Variants in CAMTA1 observed in about 807,000 individuals in gnomAD.
CAMTA1 encodes calmodulin-binding transcription activator 1.
In CAMTA1, 27 loss-of-function variants were observed where a neutral mutation model predicts 170.9. The observed-to-expected ratio is 0.16, with a 90% confidence interval of 0.12 to 0.22. CAMTA1 has a LOEUF of 0.22. CAMTA1 is among the 10% of genes least tolerant of loss of function. The pLI, the probability that CAMTA1 is intolerant of heterozygous loss-of-function variation, is 1.00. For synonymous variants in CAMTA1, 833 were observed against 891.5 expected (o/e 0.93, Z 1.17); for missense variants, 1,619 against 2,217.2 (o/e 0.73, Z 5.42).
chr1:7,470,280 G>A lies in CAMTA1; in HGVS notation c.510+2379G>A, dbSNP rs188045265. Among the ~76,000 whole-genome samples, 116 of 152,352 alleles carry A rather than the reference G, an allele frequency of 7.6e-4. 1 individual carries two copies. The highest frequency in any genetic ancestry group is 1.2e-4 in the African/African-American group (5 of 41,592). ...GGCCAAAGCAATTAGCACAATGCAC[G>A]CCCTGCTCGGAGCCCAGAGCCTATG... On this transcript the variant is annotated intron_variant, in intron 6 of 22. Coordinates refer to ENST00000303635, the MANE Select transcript of CAMTA1 (RefSeq NM_015215.4).
chr1:7,639,557 G>C (rs781716454), intron 6 of CAMTA1, among the ~76,000 whole-genome samples: 2 of 152,152 alleles, frequency 1.3e-5, no homozygotes, highest in Non-Finnish European at 2.9e-5. Context: ...CGGATTGCTT[G>C]AACCCAGGAG....
chr1:7,513,198 A>T (rs1413571315), intron 6 of CAMTA1, among the ~76,000 whole-genome samples: 2 of 152,132 alleles, frequency 1.3e-5, no homozygotes, highest in African/African-American at 4.8e-5. Flanking sequence ...GAAGCGGCCG[A>T]TTCTGGGCAG....
chr1:7,309,276 G>A lies in CAMTA1; in HGVS notation c.438+59650G>A, dbSNP rs147919389. 1.1e-3 allele frequency among the ~76,000 whole-genome samples: 151 copies of A among 137,268 alleles called. No individual in the cohort carries two copies. The East Asian group carries it at 0.03, about 27-fold the overall frequency. 90.1% of individuals were successfully genotyped at this position (137,268 alleles called of 152,430 possible). ...TGACAATCTCTGTCTTTTCATTATT[G>A]CAGTTAGAAAATTTTTTTTTTTTTT... On this transcript the variant is annotated intron_variant, in intron 5 of 22. Transcript: ENST00000303635.
chr1:7,017,072 A>G (rs928275640), intron 3 of CAMTA1, among the ~76,000 whole-genome samples: 2 of 152,126 alleles, frequency 1.3e-5, no homozygotes, highest in Non-Finnish European at 2.9e-5. Context: ...GGAGTCTTCG[A>G]CAGCTCTCAC....
At chr1:7,369,604 A>G (rs1010717092) in intron 5 of CAMTA1, among the ~76,000 whole-genome samples, 9 of 151,596 alleles carry the variant, frequency 5.9e-5, no homozygotes, top group African/African-American at 1.5e-4. Context: ...AAGTTGTGGG[A>G]CCACTAGCGT....
chr1:6,837,504 G>A (rs1477933275), intron 3 of CAMTA1, among the ~76,000 whole-genome samples: 2 of 152,114 alleles, frequency 1.3e-5, no homozygotes, highest in African/African-American at 2.4e-5. Context: ...TTAAAAGAAT[G>A]GGAAGATGCC....
intron 4 of CAMTA1, among the ~76,000 whole-genome samples, chr1:7,091,579 T>A (rs570175463): frequency 6.6e-6 from 1 of 152,210 alleles, no homozygotes; most frequent in South Asian, 2.1e-4. Flanking sequence ...GCAAGTGCCA[T>A]CCGCCAGTTG....
intron 4 of CAMTA1, among the ~76,000 whole-genome samples, chr1:7,244,809 G>T (rs571467048): frequency 4.6e-5 from 7 of 152,028 alleles, no homozygotes; most frequent in South Asian, 2.1e-4. Flanking sequence ...GAGTTAATGG[G>T]TGCAGCACAC....
In CAMTA1 at chr1:7,570,272, G is replaced by T. The variant is rs1485643880; in HGVS notation, c.511-70128G>T. On this transcript the variant is annotated intron_variant, in intron 6 of 22. Transcript: ENST00000303635. The surrounding 1 kb of genome is among the most constrained non-coding windows in gnomAD (Gnocchi z 4.3). ...TCCCTGGCTTCTGCTTTTGATCCCT[G>T]AGGAGATGCAACCCTTCCTTTAAAA... 2.0e-5 allele frequency among the ~76,000 whole-genome samples: 3 copies of T among 152,228 alleles called. No individual in the cohort carries two copies. Among genetic ancestry groups the T allele is most frequent in the African/African-American group, 7.2e-5 (3 of 41,470 alleles).
chr1:7,604,656 G>A lies in CAMTA1; in HGVS notation c.511-35744G>A, dbSNP rs149255432. Among the ~76,000 whole-genome samples, 24 of 152,032 alleles carry A rather than the reference G, an allele frequency of 1.6e-4. 1 individual carries two copies. The highest frequency in any genetic ancestry group is 4.3e-4 in the African/African-American group (18 of 41,468). The stretch of plus-strand genomic sequence containing the variant: ...TCCTTTAGCTCAGAGTAGTTTGATC[G>A]TCTGAAGACTTCTTCTCTCAACTCG... On this transcript the variant is annotated intron_variant, in intron 6 of 22. Coordinates refer to ENST00000303635, the MANE Select transcript of CAMTA1 (RefSeq NM_015215.4).
rs1231590647 is a variant in CAMTA1 at position 7,270,285 on chromosome 1, A to ATT, written c.438+20660_438+20661insTT. Among the ~76,000 whole-genome samples, 134 of 115,048 alleles carry ATT rather than the reference A, an allele frequency of 1.2e-3. 1 individual carries two copies. The highest frequency in any genetic ancestry group is 5.0e-3 in the African/African-American group (121 of 24,240). The allele number at this position is 115,048 out of a possible 152,430, so 75.5% of individuals were successfully genotyped here. On this transcript the variant is annotated intron_variant, in intron 5 of 22. Coordinates refer to ENST00000303635, the MANE Select transcript of CAMTA1 (RefSeq NM_015215.4). ...CACACACACACACACATATATATAT[A>ATT]TATATATTTTTTTTTTTTTTTCTTG...
intron 3 of CAMTA1, among the ~76,000 whole-genome samples, chr1:7,061,784 A>G (rs1708252873): frequency 6.6e-6 from 1 of 151,894 alleles, no homozygotes; most frequent in South Asian, 2.1e-4. Context: ...CAGTGGCAGC[A>G]GAGCAGGGGG....
intron 4 of CAMTA1, among the ~76,000 whole-genome samples, chr1:7,118,290 C>CTT (rs58318758): frequency 0.017 from 1,952 of 112,480 alleles, 61 homozygotes; most frequent in Non-Finnish European, 0.024. Flanking sequence ...TCTTGGCATC[C>CTT]TTTTTTTTTT....
intron 3 of CAMTA1, among the ~76,000 whole-genome samples, chr1:7,039,498 A>C (rs1704110052): frequency 8.4e-6 from 1 of 119,008 alleles, no homozygotes; most frequent in Non-Finnish European, 1.7e-5. Flanking sequence ...TTCACATCTG[A>C]ACCATTGTCC....
intron 6 of CAMTA1, among the ~76,000 whole-genome samples, chr1:7,542,838 AGT>A (rs373719721): frequency 0.04 from 2,256 of 55,856 alleles, 28 homozygotes; most frequent in Admixed American, 0.067. Context: ...CCTAAAACAC[AGT>A]GTGTGTGTGT....
intron 18 of CAMTA1, 120 bp downstream of exon 18, chr1:7,746,211 T>C (rs2096856064): frequency 9.0e-6 from 11 of 1,219,760 alleles, no homozygotes; most frequent in Non-Finnish European, 1.2e-5. Flanking sequence ...ATTTGTAGAA[T>C]TTTTTTGGAA....
rs146838626 is a variant in CAMTA1, at chr1:7,215,480, G to A, written c.303-34011G>A. Among the ~76,000 whole-genome samples, 287 of 152,308 alleles carry A rather than the reference G, an allele frequency of 1.9e-3. 1 individual carries two copies. Among genetic ancestry groups the A allele is most frequent in the African/African-American group, 6.5e-3 (270 of 41,564 alleles). On this transcript the variant is annotated intron_variant, in intron 4 of 22. Transcript: ENST00000303635. Reference sequence around the variant, plus strand: ...GCGATCTCAGCCCACTGCAACCTCCGCCTTCCAGGTTCAAGCGATTTTCCC... The same window carrying A: ...GCGATCTCAGCCCACTGCAACCTCCACCTTCCAGGTTCAAGCGATTTTCCC...
At chr1:6,944,028 TC>T (rs1571926698) in intron 3 of CAMTA1, among the ~76,000 whole-genome samples, 1 of 151,986 alleles carries the variant, frequency 6.6e-6, no homozygotes, top group Non-Finnish European at 1.5e-5. Flanking sequence ...ACTCTCCATC[TC>T]CCTATCCCCC....
At chr1:7,654,165 G>A (rs186987045) in intron 7 of CAMTA1, among the ~76,000 whole-genome samples, 1 of 152,012 alleles carries the variant, frequency 6.6e-6, no homozygotes, top group African/African-American at 2.4e-5. Flanking sequence ...TGTATCACTT[G>A]AGGTCAGGAG....
Sources: gnomAD v4.1 joint callset for allele counts (sites outside exome capture counted in the v4.1 genomes callset) on GRCh38, gnomAD v4.1.1 for gene constraint, Gnocchi (gnomAD v3.1) non-coding constraint, MANE v1.5 for transcripts, NCBI Gene and HGNC (gene_info 2026-07-23, HGNC 2026-07-21) for gene names.